Variants in CYB5R3 observed in about 807,000 individuals in gnomAD.
CYB5R3 encodes NADH-cytochrome b5 reductase 3.
Under a neutral mutation model 36.5 loss-of-function variants are expected in CYB5R3, and 28 were observed. The ratio of observed to expected loss-of-function variants is 0.77; its 90% confidence interval spans 0.57 to 1.05. The LOEUF is 1.05. Ranked by LOEUF, CYB5R3 falls within the 50% of genes least tolerant of loss-of-function variation. The probability of loss-of-function intolerance (pLI) is 0.00; values close to 1 mark genes in which losing one functional copy is unlikely to be tolerated. For missense variants in CYB5R3, 474 were observed against 408.9 expected (o/e 1.16, Z -1.37); for synonymous variants, 181 against 159.8 (o/e 1.13, Z -1.00).
chr22:42,623,490 G>A (rs765200635), intron 8 of CYB5R3, among the ~76,000 whole-genome samples: 19 of 152,150 alleles, frequency 1.2e-4, no homozygotes, highest in South Asian at 4.2e-4. Flanking sequence ...AGTGAGCCCC[G>A]CCCAGGGAGG....
chr22:42,644,520 C>G, intron 1 of CYB5R3: 2 of 1,392,348 alleles, frequency 1.4e-6, no homozygotes, highest in Non-Finnish European at 2.0e-6. Flanking sequence ...TCCTCAGAGC[C>G]TAGCTCAAAC....
At chr22:42,631,566 G>A in intron 2 of CYB5R3, 116 bp from the exon 3 acceptor site, 1 of 893,440 alleles carries the variant, frequency 1.1e-6, no homozygotes, top group Non-Finnish European at 1.8e-6. Flanking sequence ...CTTCCCCAGT[G>A]CCTGCTTGTC....
rs550470778 is a variant in CYB5R3, at chr22:42,628,555, G to A, written c.334-274C>T. Among the ~76,000 whole-genome samples, 7 of 152,266 alleles carry A rather than the reference G, an allele frequency of 4.6e-5. No individual in the cohort carries two copies. The East Asian group carries it at 1.4e-3, about 29-fold the overall frequency. ...AGGCCGACCAACTCCAGGGCTGGAT[G>A]CACTCACATTTCACCAACTGTCTCT... On this transcript the variant is annotated intron_variant, in intron 4 of 8. Coordinates refer to ENST00000352397, the MANE Select transcript of CYB5R3 (RefSeq NM_000398.7).
intron 2 of CYB5R3, among the ~76,000 whole-genome samples, chr22:42,634,177 C>A (rs1928758462): frequency 6.6e-6 from 1 of 150,760 alleles, no homozygotes; most frequent in Non-Finnish European, 1.5e-5. Flanking sequence ...CATGTTGAAA[C>A]CCTGACTCTA....
rs749032745 is a variant in CYB5R3 at position 42,627,589 on chromosome 22, G to A, written c.547+16C>T. 9 of 1,609,472 alleles carry A rather than the reference G, an allele frequency of 5.6e-6. No individual in the cohort carries two copies. In the Admixed American group the frequency reaches 6.7e-5, roughly 12 times the overall value. On this transcript the variant is annotated intron_variant, in intron 6 of 8. Coordinates refer to ENST00000352397, the MANE Select transcript of CYB5R3 (RefSeq NM_000398.7). Reference sequence around the variant, plus strand: ...AACATGAGCCGCCGGACGCCTCAGTGGGGGGTTCCGTGTACCTGTCCCTCC... The same window carrying A: ...AACATGAGCCGCCGGACGCCTCAGTAGGGGGTTCCGTGTACCTGTCCCTCC...
chr22:42,628,171 C>T lies in CYB5R3; in HGVS notation c.444G>A (p.Leu148=). 6.2e-7 allele frequency: 1 copy of T among 1,614,104 alleles called. No individual in the cohort carries two copies. Among genetic ancestry groups the T allele is most frequent in the African/African-American group, 1.3e-5 (1 of 75,044 alleles). The change falls in exon 5 of 9, where the codon CTG becomes CTA. Residue 148 remains leucine (L), a synonymous_variant. Transcript: ENST00000352397. ...DTIEFRGPSG[L]LVYQGKGKFA... ...AATCACCTTTGCCCTGGTAGACCAG[C>T]AGCCCACTGGGGCCCCGGAACTCAA...
At chr22:42,636,533 C>T (rs982914856) in intron 2 of CYB5R3, among the ~76,000 whole-genome samples, 182 bp downstream of exon 2, 1 of 152,152 alleles carries the variant, frequency 6.6e-6, no homozygotes, top group African/African-American at 2.4e-5. Context: ...ACAGAGAGAC[C>T]AGGGTTTAAA....
intron 1 of CYB5R3, among the ~76,000 whole-genome samples, chr22:42,648,927 C>T (rs1929646199): frequency 6.6e-6 from 1 of 152,174 alleles, no homozygotes; most frequent in Admixed American, 6.5e-5. Flanking sequence ...TCAAGCCATT[C>T]ACACGCTCGC....
At chr22:42,627,223 C>T (rs957416530) in intron 7 of CYB5R3, 81 bp downstream of exon 7, 4 of 1,154,842 alleles carry the variant, frequency 3.5e-6, no homozygotes, top group South Asian at 1.3e-5. Context: ...GCTGTGCAGA[C>T]CCCTGGAACA....
Position 42,647,066 on chromosome 22 carries a change from T to G in CYB5R3, c.21+2229A>C, listed in dbSNP as rs549264779. 19 of 766,690 alleles carry G rather than the reference T, an allele frequency of 2.5e-5. No individual in the cohort carries two copies. The South Asian group carries it at 1.0e-3, about 40-fold the overall frequency. The allele number at this position is 766,690 out of a possible 1,614,324, so 47.5% of individuals were successfully genotyped here. ...GGCCTCCCATGGGGCCTGCATGTCT[T>G]AGATAAGACACCTAGAGCACCAGGC... On this transcript the variant is annotated intron_variant, in intron 1 of 8. Transcript: ENST00000352397.
At position 42,619,794 on chromosome 22, in the gene CYB5R3, CG is replaced by C. The variant is rs1569314619; in HGVS notation, c.884del (p.Thr295ArgfsTer54). On this transcript the variant is annotated frameshift_variant, in exon 9 of 9. Coordinates refer to ENST00000352397, the MANE Select transcript of CYB5R3 (RefSeq NM_000398.7). LOFTEE classifies it high-confidence loss of function. ...GCCCTCAGAAGACGAAGCAGCGCTC[CG>C]TGGGGTGGCCCACGTGGTCCAGGTT... ...LPNLDHVGHPTERCFVF is the reference protein window; with the variant it reads ...LPNLDHVGHPXERCFVF 1.3e-6 allele frequency: 2 copies of C among 1,591,628 alleles called. No individual in the cohort carries two copies. Among genetic ancestry groups the C allele is most frequent in the Middle Eastern group, 1.7e-4 (1 of 6,032 alleles).
chr22:42,626,638 C>T (rs576563131), intron 7 of CYB5R3, among the ~76,000 whole-genome samples: 1 of 152,354 alleles, frequency 6.6e-6, no homozygotes, highest in South Asian at 2.1e-4. Context: ...TGCGGGGAGG[C>T]AGGGTGGGGC....
intron 3 of CYB5R3, 67 bp downstream of exon 3, chr22:42,631,311 A>G (rs1928602891): frequency 1.4e-6 from 2 of 1,444,480 alleles, no homozygotes; most frequent in Non-Finnish European, 1.9e-6. Context: ...TAAAGCTTCC[A>G]TCTCTCTGAT....
At chr22:42,625,207 TGTGTAACTTTCTTTTTAGGCCAG>T in intron 7 of CYB5R3, among the ~76,000 whole-genome samples, 1 of 152,272 alleles carries the variant, frequency 6.6e-6, no homozygotes, top group East Asian at 1.9e-4. Flanking sequence ...CTATTAACTA[TGTGTAACTTTCTTTTTAGGCCAG>T]GCATGGTGGC....
chr22:42,644,237 T>G (rs1929427180), intron 1 of CYB5R3, among the ~76,000 whole-genome samples: 1 of 152,110 alleles, frequency 6.6e-6, no homozygotes, highest in Non-Finnish European at 1.5e-5. Flanking sequence ...AGCCCAAATC[T>G]GACATCCTGC....
chr22:42,639,090 G>T, intron 1 of CYB5R3: 1 of 426,554 alleles, frequency 2.3e-6, no homozygotes, highest in Non-Finnish European at 4.6e-6. Context: ...AGCACTTTGG[G>T]AGCCCAAGGC....
intron 1 of CYB5R3, among the ~76,000 whole-genome samples, chr22:42,649,087 G>C (rs1337394342): frequency 6.6e-6 from 1 of 152,134 alleles, no homozygotes; most frequent in African/African-American, 2.4e-5. Flanking sequence ...CCCCGCTGCA[G>C]ACTGCCAGGG....
rs958674421 is a variant in CYB5R3, at chr22:42,646,845, T to C, written c.21+2450A>G. 7 of 985,202 alleles carry C rather than the reference T, an allele frequency of 7.1e-6. No individual in the cohort carries two copies. In the African/African-American group the frequency reaches 1.1e-4, roughly 15 times the overall value. The allele number at this position is 985,202 out of a possible 1,614,324, so 61.0% of individuals were successfully genotyped here. On this transcript the variant is annotated intron_variant, in intron 1 of 8. Coordinates refer to ENST00000352397, the MANE Select transcript of CYB5R3 (RefSeq NM_000398.7). ...TGGGATCTGGGCCGCAGAGTAAGCA[T>C]GGGGCTGCCAGGGACAGTAGGAAAG...
At chr22:42,638,511 C>T (rs866016137) in intron 1 of CYB5R3, among the ~76,000 whole-genome samples, 3 of 146,492 alleles carry the variant, frequency 2.0e-5, no homozygotes, top group African/African-American at 7.7e-5. Context: ...CGCGACCAGC[C>T]TGGGCAACAT....
Sources: gnomAD v4.1 joint callset for allele counts (sites outside exome capture counted in the v4.1 genomes callset) on GRCh38, gnomAD v4.1.1 for gene constraint, MANE v1.5 for transcripts, NCBI Gene and HGNC (gene_info 2026-07-23, HGNC 2026-07-21) for gene names.